Variants in NFIX observed in about 807,000 individuals in gnomAD.
The protein encoded by NFIX is nuclear factor 1 X-type.
NFIX carries 2 observed loss-of-function variants against 53.3 expected under a neutral mutation model. The ratio of observed to expected loss-of-function variants is 0.04; its 90% CI spans 0.02 to 0.12. The LOEUF (loss-of-function observed/expected upper bound fraction) is 0.12. Ranked by LOEUF, NFIX falls within the 10% of genes least tolerant of loss-of-function variation. The pLI is 1.00. For missense variants in NFIX, 310 were observed against 674.5 expected, an observed-to-expected ratio of 0.46 and a Z score of 5.99; for synonymous variants, 244 against 289.0, an observed-to-expected ratio of 0.84 and a Z score of 1.58.
chr19:13,011,201 A>G lies in NFIX; in HGVS notation c.28-13820A>G, dbSNP rs1298791396. 6.6e-6 allele frequency among the ~76,000 whole-genome samples: 1 copy of G among 152,000 alleles called. No individual in the cohort carries two copies. Among genetic ancestry groups the G allele is most frequent in the Non-Finnish European group, 1.5e-5 (1 of 67,954 alleles). On this transcript the variant is annotated intron_variant, in intron 1 of 10. Coordinates refer to ENST00000592199, the MANE Select transcript of NFIX (RefSeq NM_001365902.3). This position sits in a 1 kb window ranked among gnomAD's most constrained non-coding sequence, Gnocchi z 6.5. ...AAGACCGGGGACCCCCCCTCCCCCAAGGGCCGGACTGCAGCTCCGAATCCC... is the reference window on the plus strand; with the variant it reads ...AAGACCGGGGACCCCCCCTCCCCCAGGGGCCGGACTGCAGCTCCGAATCCC...
chr19:13,034,239 C>T (rs1304260197), intron 2 of NFIX, among the ~76,000 whole-genome samples: 2 of 152,232 alleles, frequency 1.3e-5, no homozygotes, highest in South Asian at 2.1e-4. Flanking sequence ...GCTTGCGGCT[C>T]AGCTCAAGGG....
At chr19:13,062,160 G>A (rs2016130679) in intron 2 of NFIX, among the ~76,000 whole-genome samples, 1 of 152,176 alleles carries the variant, frequency 6.6e-6, no homozygotes, top group Admixed American at 6.5e-5. Flanking sequence ...TCTCAGTGAG[G>A]CTCCAGTTCC....
At chr19:13,030,109 C>T (rs2013687391) in intron 2 of NFIX, among the ~76,000 whole-genome samples, 1 of 152,214 alleles carries the variant, frequency 6.6e-6, no homozygotes, top group Non-Finnish European at 1.5e-5. Flanking sequence ...CCCAGAAATG[C>T]CACTGGTCTG....
rs781518589 is a variant in NFIX, at chr19:13,025,296, C to G, written c.303C>G (p.Pro101=). Residue 101 remains proline, a synonymous_variant, in exon 2 of 11, where the codon CCC becomes CCG. Transcript: ENST00000592199. This position sits in a 1 kb window ranked among gnomAD's most constrained non-coding sequence, Gnocchi z 7.5. ...TGACCATCACGGGCAAGAAGCCCCC[C>G]TGCTGCGTGCTCTCCAACCCCGACC... ...FVLTITGKKP[P]CCVLSNPDQK... is the part of the protein sequence containing the mutation. 1.2e-5 allele frequency: 19 copies of G among 1,613,962 alleles called. No individual in the cohort carries two copies. The highest frequency in any genetic ancestry group is 1.5e-5 in the Non-Finnish European group (18 of 1,179,940).
chr19:13,074,570 G>T (rs891734268), intron 5 of NFIX, among the ~76,000 whole-genome samples: 1 of 151,668 alleles, frequency 6.6e-6, no homozygotes, highest in Non-Finnish European at 1.5e-5. Flanking sequence ...CTGATAGCCA[G>T]TTAGGAGGCC....
intron 7 of NFIX, among the ~76,000 whole-genome samples, chr19:13,079,870 G>A (rs1264100056): frequency 2.0e-5 from 3 of 152,372 alleles, no homozygotes; most frequent in Admixed American, 6.5e-5. Flanking sequence ...TGGGAATTGC[G>A]TGTGCAAGGA....
chr19:13,039,110 C>A (rs915037930), intron 2 of NFIX, among the ~76,000 whole-genome samples: 1 of 152,096 alleles, frequency 6.6e-6, no homozygotes, highest in African/African-American at 2.4e-5. Flanking sequence ...GCCCTGAGGA[C>A]AATGGCCAGA....
intron 7 of NFIX, among the ~76,000 whole-genome samples, chr19:13,080,499 A>G (rs1177407114): frequency 6.6e-6 from 1 of 152,194 alleles, no homozygotes; most frequent in Non-Finnish European, 1.5e-5. Flanking sequence ...CACTGGGATT[A>G]CAGGTATGAG....
chr19:13,086,691 C>T (rs1599872481), intron 8 of NFIX, among the ~76,000 whole-genome samples: 1 of 152,318 alleles, frequency 6.6e-6, no homozygotes, highest in Non-Finnish European at 1.5e-5. Flanking sequence ...AGAATTACCC[C>T]TGGGTGAGAA....
chr19:13,042,579 A>G (rs755865455), intron 2 of NFIX, among the ~76,000 whole-genome samples: 44 of 151,866 alleles, frequency 2.9e-4, no homozygotes, highest in Non-Finnish European at 5.9e-4. Context: ...CCTGGTCTTG[A>G]ACTCCTGGCT....
intron 2 of NFIX, chr19:13,069,958 G>A (rs548828299): frequency 3.3e-5 from 5 of 152,420 alleles, no homozygotes; most frequent in East Asian, 1.9e-4. Context: ...CCCCTCCCCC[G>A]GGGAAGCCCA....
In NFIX at chr19:13,095,912, ATTGT is replaced by A. The variant is rs1410643752; in HGVS notation, c.*1267_*1270del. The A allele has an allele frequency of 2.8e-5, 4 of 141,732 alleles. No individual in the cohort carries two copies. The highest frequency in any genetic ancestry group is 2.2e-4 in the South Asian group (1 of 4,610). 8.8% of individuals were successfully genotyped at this position (141,732 alleles called of 1,614,324 possible). ...CTCTTTATTTAGGGGTGGGGCATTC[ATTGT>A]TTGGGTCTTTTGCTGTTGGAATGGG... is the stretch of plus-strand genomic sequence containing the variant. On this transcript the variant is annotated 3_prime_UTR_variant, in exon 11 of 11. Transcript: ENST00000592199.
intron 1 of NFIX, among the ~76,000 whole-genome samples, chr19:13,010,312 C>A (rs867635186): frequency 1.5e-4 from 23 of 152,342 alleles, no homozygotes; most frequent in Middle Eastern, 6.8e-3. Context: ...AGCACTCGCA[C>A]ACCCCCTGGC....
intron 2 of NFIX, among the ~76,000 whole-genome samples, chr19:13,034,108 G>A (rs535619252): frequency 1.3e-5 from 2 of 152,350 alleles, no homozygotes; most frequent in Non-Finnish European, 2.9e-5. Flanking sequence ...GGGCATCGCT[G>A]CTCCTTGAAC....
intron 1 of NFIX, among the ~76,000 whole-genome samples, chr19:12,999,273 A>G (rs1351437578): frequency 6.6e-6 from 1 of 151,052 alleles, no homozygotes; most frequent in Non-Finnish European, 1.5e-5. Flanking sequence ...TCCCGGGTTC[A>G]AGCAATTCTC....
Position 13,051,365 on chromosome 19 carries a change from C to G in NFIX, c.560-21682C>G, listed in dbSNP as rs1480896148. 1.3e-5 allele frequency among the ~76,000 whole-genome samples: 2 copies of G among 152,138 alleles called. No individual in the cohort carries two copies. Among genetic ancestry groups the G allele is most frequent in the Admixed American group, 1.3e-4 (2 of 15,282 alleles). The stretch of plus-strand genomic sequence containing the variant: ...GGGTGTGTCTGGCCACTACCCAGAG[C>G]TCACTCAGGGTACTAGGGATGGAAG... On this transcript the variant is annotated intron_variant, in intron 2 of 10. Coordinates refer to ENST00000592199, the MANE Select transcript of NFIX (RefSeq NM_001365902.3). This position sits in a 1 kb window ranked among gnomAD's most constrained non-coding sequence, Gnocchi z 5.1.
At position 13,073,005 on chromosome 19, in the gene NFIX, A is replaced by G. The variant is rs755516198; in HGVS notation, c.560-42A>G. 5 of 1,592,888 alleles carry G rather than the reference A, an allele frequency of 3.1e-6. No homozygotes were observed. Among genetic ancestry groups the G allele is most frequent in the African/African-American group, 2.7e-5 (2 of 74,414 alleles). Reference sequence around the variant, plus strand: ...AATGCTTGGCTGGTGCTTATGGGGAACTTTGCTCCTGATACATTCTCCCCT... The same window carrying G: ...AATGCTTGGCTGGTGCTTATGGGGAGCTTTGCTCCTGATACATTCTCCCCT... On this transcript the variant is annotated intron_variant, in intron 2 of 10. Transcript: ENST00000592199. The surrounding 1 kb of genome is among the most constrained non-coding windows in gnomAD (Gnocchi z 4.5).
chr19:13,057,629 C>G (rs180864026), intron 2 of NFIX, among the ~76,000 whole-genome samples: 27 of 152,298 alleles, frequency 1.8e-4, no homozygotes, highest in Admixed American at 1.8e-3. Context: ...AGAAAACCCA[C>G]TAGTGTCTCA....
At chr19:13,031,619 C>A (rs1198738423) in intron 2 of NFIX, among the ~76,000 whole-genome samples, 2 of 152,130 alleles carry the variant, frequency 1.3e-5, no homozygotes, top group Non-Finnish European at 2.9e-5. Context: ...TGGGTAAAGG[C>A]CCGATGATAT....
Sources: allele counts gnomAD v4.1 joint callset (sites outside exome capture counted in the v4.1 genomes callset), GRCh38; gene constraint gnomAD v4.1.1; non-coding constraint Gnocchi (gnomAD v3.1); transcripts MANE v1.5; gene names NCBI Gene and HGNC (gene_info 2026-07-23, HGNC 2026-07-21).